CCDC39: variants seen among roughly 807,000 people sequenced by gnomAD.
The protein encoded by CCDC39 is coiled-coil domain 39 molecular ruler complex subunit, also known as coiled-coil domain-containing protein 39.
In CCDC39, 113 loss-of-function variants were observed where a neutral mutation model predicts 121.0. That is an observed-to-expected ratio of 0.93 (90% CI 0.80 to 1.09). CCDC39 has a LOEUF of 1.09. CCDC39 is among the 50% of genes least tolerant of loss of function. The pLI is 0.00. For missense variants in CCDC39, 1,063 were observed against 1,074.7 expected, an observed-to-expected ratio of 0.99 and a Z score of 0.15; for synonymous variants, 349 against 352.2, an observed-to-expected ratio of 0.99 and a Z score of 0.10.
chr3:180,661,223 T>C (rs1006342848), intron 3 of CCDC39, among the ~76,000 whole-genome samples: 1 of 151,940 alleles, frequency 6.6e-6, no homozygotes. Flanking sequence ...GTAAAAGAGA[T>C]AAAAACATTT....
At chr3:180,616,186 G>T in intron 19 of CCDC39, 95 bp downstream of exon 19, 3 of 985,238 alleles carry the variant, frequency 3.0e-6, no homozygotes, top group South Asian at 2.7e-5. Flanking sequence ...GAGTGCATGG[G>T]CCTGCCTAAC....
At chr3:180,676,075 T>A (rs1246532572) in intron 1 of CCDC39, among the ~76,000 whole-genome samples, 1 of 152,110 alleles carries the variant, frequency 6.6e-6, no homozygotes, top group Non-Finnish European at 1.5e-5. Context: ...ATTCAGGACA[T>A]AGGCATGGGC....
At chr3:180,620,020 A>G in intron 14 of CCDC39, 50 bp from the exon 15 acceptor site, 1 of 1,404,492 alleles carries the variant, frequency 7.1e-7, no homozygotes, top group Non-Finnish European at 9.6e-7. Context: ...TACTATGGGA[A>G]GAAATGCCTA....
chr3:180,667,782 G>A (rs1375166867), intron 1 of CCDC39, among the ~76,000 whole-genome samples: 1 of 152,078 alleles, frequency 6.6e-6, no homozygotes, highest in Non-Finnish European at 1.5e-5. Context: ...AGTTGACATT[G>A]GCCAAAAACT....
intron 15 of CCDC39, 95 bp from the exon 16 acceptor site, chr3:180,619,460 G>T (rs1372690465): frequency 2.8e-6 from 2 of 710,908 alleles, no homozygotes; most frequent in Non-Finnish European, 4.7e-6. Flanking sequence ...TTTTTGTTAT[G>T]AAAGTTTAAA....
chr3:180,619,313 A>T lies in CCDC39; in HGVS notation c.2211T>A (p.Asp737Glu). The T allele has an allele frequency of 3.2e-6, 5 of 1,547,352 alleles. No individual in the cohort carries two copies. Among genetic ancestry groups the T allele is most frequent in the Non-Finnish European group, 4.4e-6 (5 of 1,143,298 alleles). The change falls in exon 16 of 20, where the codon GAT becomes GAA. Residue 737 changes from aspartate to glutamate, a missense_variant. Asp to Glu is a conservative substitution (Grantham distance 45, BLOSUM62 2). Transcript: ENST00000476379. ...GTCTTTGTTTGTATCTGTATTTTTCATCAACAGCTCTTTTTTGTTCTTCTA... is the reference window on the plus strand; with the variant it reads ...GTCTTTGTTTGTATCTGTATTTTTCTTCAACAGCTCTTTTTTGTTCTTCTA... ...IQLEEQKRAV[D>E]EKYRYKQRQI... is the part of the protein sequence containing the mutation.
At chr3:180,642,865 G>A (rs894821234) in intron 12 of CCDC39, among the ~76,000 whole-genome samples, 1 of 151,500 alleles carries the variant, frequency 6.6e-6, no homozygotes, top group African/African-American at 2.4e-5. Context: ...AAAAAACTAA[G>A]AGATTTGATG....
chr3:180,664,481 T>C (rs1050886553), intron 1 of CCDC39, among the ~76,000 whole-genome samples: 1 of 152,198 alleles, frequency 6.6e-6, no homozygotes, highest in African/African-American at 2.4e-5. Flanking sequence ...AATGTCCACA[T>C]GAACTTCTAA....
At chr3:180,677,153 A>G (rs1303313677) in intron 1 of CCDC39, among the ~76,000 whole-genome samples, 11 of 109,210 alleles carry the variant, frequency 1.0e-4, no homozygotes, top group Non-Finnish European at 1.6e-4. Context: ...TATAATAATA[A>G]TAATAATAAT....
intron 16 of CCDC39, 54 bp from the exon 17 acceptor site, chr3:180,617,020 A>G (rs1717273479): frequency 8.3e-6 from 8 of 961,314 alleles, no homozygotes; most frequent in Middle Eastern, 2.9e-4. Context: ...GACTTTTATA[A>G]CTTGTCATTT....
chr3:180,678,658 AT>A (rs796685277), intron 1 of CCDC39, among the ~76,000 whole-genome samples: 3,045 of 145,020 alleles, frequency 0.021, 63 homozygotes, highest in African/African-American at 0.051. Context: ...CCGGCCTGCA[AT>A]TTTTTTTTTT....
intron 19 of CCDC39, 51 bp downstream of exon 19, chr3:180,616,230 T>TA: frequency 1.3e-6 from 2 of 1,486,256 alleles, no homozygotes; most frequent in Non-Finnish European, 1.9e-6. Context: ...TGGAATCACT[T>TA]AGTGTACAGC....
At chr3:180,626,303 G>C (rs1717559348) in intron 14 of CCDC39, among the ~76,000 whole-genome samples, 1 of 152,114 alleles carries the variant, frequency 6.6e-6, no homozygotes, top group African/African-American at 2.4e-5. Context: ...TGAGTACTTG[G>C]GGGATGGGTT....
chr3:180,641,727 A>G (rs1717958640), intron 13 of CCDC39, among the ~76,000 whole-genome samples: 1 of 152,186 alleles, frequency 6.6e-6, no homozygotes, highest in African/African-American at 2.4e-5. Flanking sequence ...AAGACGTGTT[A>G]TTGGACTTTA....
chr3:180,620,122 C>T (rs1039006472), intron 14 of CCDC39, among the ~76,000 whole-genome samples, 152 bp from the exon 15 acceptor site: 1 of 151,916 alleles, frequency 6.6e-6, no homozygotes, highest in Admixed American at 6.6e-5. Context: ...ATTTGTTGTG[C>T]TTGATTTACA....
chr3:180,641,956 T>A (rs1274815411), intron 13 of CCDC39, 37 bp downstream of exon 13: 1 of 1,451,496 alleles, frequency 6.9e-7, no homozygotes, highest in Non-Finnish European at 9.4e-7. Flanking sequence ...TCATCCTGTT[T>A]TTTTAATTCC....
intron 13 of CCDC39, among the ~76,000 whole-genome samples, chr3:180,634,594 C>A (rs1717782601): frequency 6.6e-6 from 1 of 152,118 alleles, no homozygotes; most frequent in Non-Finnish European, 1.5e-5. Context: ...CCTGAGATCA[C>A]CCCAGAGCTG....
At chr3:180,621,067 T>G (rs1717419109) in intron 14 of CCDC39, among the ~76,000 whole-genome samples, 2 of 152,144 alleles carry the variant, frequency 1.3e-5, no homozygotes, top group Admixed American at 1.3e-4. Context: ...GGCCTCCAGT[T>G]ATATCTTGTT....
At chr3:180,626,469 C>G (rs1717564457) in intron 14 of CCDC39, among the ~76,000 whole-genome samples, 1 of 152,062 alleles carries the variant, frequency 6.6e-6, no homozygotes, top group South Asian at 2.1e-4. Context: ...GAGGGTGCAA[C>G]CTTTCTCAGG....
Sources: gnomAD v4.1 joint callset for allele counts (sites outside exome capture counted in the v4.1 genomes callset) on GRCh38, gnomAD v4.1.1 for gene constraint, MANE v1.5 for transcripts, NCBI Gene and HGNC (gene_info 2026-07-23, HGNC 2026-07-21) for gene names.